Variants in KIAA0586 observed in about 807,000 individuals in gnomAD.
KIAA0586 encodes the protein KIAA0586, also known as protein TALPID3.
In KIAA0586, 144 loss-of-function variants were observed where a neutral mutation model predicts 169.8. The ratio of observed to expected loss-of-function variants is 0.85; its 90% CI spans 0.74 to 0.97. The LOEUF (loss-of-function observed/expected upper bound fraction) is 0.97. Ranked by LOEUF, KIAA0586 falls within the 50% of genes least tolerant of loss-of-function variation. KIAA0586 has a pLI of 0.00. For missense variants in KIAA0586, 1,854 were observed against 1,823.0 expected (o/e 1.02, Z -0.31); for synonymous variants, 625 against 612.4 (o/e 1.02, Z -0.30).
chr14:58,545,635 C>G (rs2046931806), intron 30 of KIAA0586, among the ~76,000 whole-genome samples: 1 of 151,908 alleles, frequency 6.6e-6, no homozygotes, highest in Non-Finnish European at 1.5e-5. Context: ...TGGCTGCTTC[C>G]CTCAGTTATT....
rs534594166 is a variant in KIAA0586 at position 58,520,711 on chromosome 14, A to C, written c.4429+8084A>C. 1.2e-4 allele frequency among the ~76,000 whole-genome samples: 18 copies of C among 151,944 alleles called. 1 individual carries two copies. The highest frequency in any genetic ancestry group is 4.1e-4 in the African/African-American group (17 of 41,454). ...CTAATTTTGTTTTCATTTTTTGTAG[A>C]GACAAGGTCTCACTCTGTTGTCCAA... On this transcript the variant is annotated intron_variant, in intron 29 of 30. Transcript: ENST00000652326.
At chr14:58,544,090 G>C in intron 30 of KIAA0586, 1 of 297,568 alleles carries the variant, frequency 3.4e-6, no homozygotes, top group Non-Finnish European at 6.6e-6. Context: ...TCATCATTTA[G>C]TTCCCACTTA....
chr14:58,560,261 T>C, the KIAA0586 span, among the ~76,000 whole-genome samples: 1 of 152,116 alleles, frequency 6.6e-6, no homozygotes, highest in Non-Finnish European at 1.5e-5. Flanking sequence ...GAACCATTAC[T>C]AGAGGACAGG....
chr14:58,558,651 A>G, the KIAA0586 span, among the ~76,000 whole-genome samples: 1 of 152,270 alleles, frequency 6.6e-6, no homozygotes, highest in Admixed American at 6.5e-5. Context: ...GCGTGTTTAC[A>G]CACTGCCATA....
chr14:58,543,447 A>G (rs570827967), intron 30 of KIAA0586, among the ~76,000 whole-genome samples: 1 of 152,176 alleles, frequency 6.6e-6, no homozygotes, highest in Non-Finnish European at 1.5e-5. Flanking sequence ...TGCACAGTTG[A>G]TATCTGTTGG....
chr14:58,541,695 C>A (rs1004892860), intron 30 of KIAA0586, among the ~76,000 whole-genome samples: 1 of 152,110 alleles, frequency 6.6e-6, no homozygotes, highest in Non-Finnish European at 1.5e-5. Flanking sequence ...CATAAAATTT[C>A]TTTATGAATT....
chr14:58,555,043 C>G (rs549237775), downstream of KIAA0586, among the ~76,000 whole-genome samples: 3 of 150,948 alleles, frequency 2.0e-5, no homozygotes, highest in Non-Finnish European at 3.0e-5. Context: ...ATTGGGAACA[C>G]AAAGTCTAGC....
At chr14:58,555,867 G>A (rs2047238583), downstream of KIAA0586, among the ~76,000 whole-genome samples, 1 of 152,184 alleles carries the variant, frequency 6.6e-6, no homozygotes, top group Non-Finnish European at 1.5e-5. Context: ...TCCAAGTGGG[G>A]ATAGATGTCA....
intron 9 of KIAA0586, 21 bp downstream of exon 9, chr14:58,453,494 T>G (rs761162322): frequency 1.4e-6 from 2 of 1,464,138 alleles, no homozygotes; most frequent in South Asian, 2.9e-5. Flanking sequence ...GAGATTGGAA[T>G]GAAAACTAGA....
rs368234999 is a variant in KIAA0586 at position 58,487,465 on chromosome 14, G to T, written c.3304+299G>T. On this transcript the variant is annotated intron_variant, in intron 22 of 30. Transcript: ENST00000652326. ...TACTAAAAGTACAAAAATTAGCCAG[G>T]TGTGTTGGCACGTGCCTGTAATCCC... Among the ~76,000 whole-genome samples, 4 of 152,202 alleles carry T rather than the reference G, an allele frequency of 2.6e-5. 1 individual carries two copies.
chr14:58,459,070 T>C (rs2040110884), intron 12 of KIAA0586, among the ~76,000 whole-genome samples: 1 of 152,108 alleles, frequency 6.6e-6, no homozygotes, highest in African/African-American at 2.4e-5. Context: ...TAAAGGAAAT[T>C]TAAAAATTTT....
intron 27 of KIAA0586, among the ~76,000 whole-genome samples, chr14:58,505,847 A>G (rs895879368): frequency 2.6e-5 from 4 of 151,934 alleles, no homozygotes; most frequent in Non-Finnish European, 5.9e-5. Flanking sequence ...TCTTTATCCA[A>G]ATTTATATTT....
intron 29 of KIAA0586, among the ~76,000 whole-genome samples, chr14:58,533,517 G>T (rs2046107874): frequency 6.6e-6 from 1 of 152,014 alleles, no homozygotes; most frequent in East Asian, 1.9e-4. Flanking sequence ...GAATTCTCTG[G>T]GGCAGGGGCC....
At chr14:58,461,869 C>T (rs907442786) in intron 14 of KIAA0586, among the ~76,000 whole-genome samples, 1 of 152,204 alleles carries the variant, frequency 6.6e-6, no homozygotes, top group Non-Finnish European at 1.5e-5. Context: ...TCATGTATCA[C>T]TGTGTATTTT....
chr14:58,471,924 T>C (rs886567497), intron 17 of KIAA0586, among the ~76,000 whole-genome samples: 5 of 152,198 alleles, frequency 3.3e-5, no homozygotes, highest in African/African-American at 1.2e-4. Flanking sequence ...GTCTCAATTA[T>C]ATCAACCTGT....
At chr14:58,458,143 A>G (rs1471286537) in intron 11 of KIAA0586, among the ~76,000 whole-genome samples, 164 bp downstream of exon 11, 1 of 152,118 alleles carries the variant, frequency 6.6e-6, no homozygotes, top group Non-Finnish European at 1.5e-5. Flanking sequence ...TTGGATATAT[A>G]TATATGGTGG....
the KIAA0586 span, among the ~76,000 whole-genome samples, chr14:58,558,000 A>G: frequency 7.4e-6 from 1 of 135,504 alleles, no homozygotes. Flanking sequence ...ACCTCCACCT[A>G]TCGGGTTCAA....
chr14:58,498,079 A>G (rs1040167017), intron 26 of KIAA0586, among the ~76,000 whole-genome samples: 2 of 151,774 alleles, frequency 1.3e-5, no homozygotes, highest in African/African-American at 2.4e-5. Context: ...GGGTTTCACC[A>G]TGTTGGCCTG....
intron 30 of KIAA0586, among the ~76,000 whole-genome samples, chr14:58,540,881 C>T (rs2046600056): frequency 6.6e-6 from 1 of 152,160 alleles, no homozygotes; most frequent in Non-Finnish European, 1.5e-5. Context: ...TTCATTTATT[C>T]TCAAACACTG....
Sources: gnomAD v4.1 joint callset for allele counts (sites outside exome capture counted in the v4.1 genomes callset) on GRCh38, gnomAD v4.1.1 for gene constraint, MANE v1.5 for transcripts, NCBI Gene and HGNC (gene_info 2026-07-23, HGNC 2026-07-21) for gene names.